C4orf17: variants seen among roughly 807,000 people sequenced by gnomAD.
The protein encoded by C4orf17 is uncharacterized protein C4orf17.
C4orf17 carries 25 observed loss-of-function variants against 32.0 expected under a neutral mutation model. The observed-to-expected ratio is 0.78, with a 90% confidence interval of 0.57 to 1.09. C4orf17 has a LOEUF of 1.09. C4orf17 is among the 50% of genes least tolerant of loss of function. C4orf17 has a pLI of 0.00. For synonymous variants in C4orf17, 149 were observed against 145.8 expected (o/e 1.02, Z -0.16); for missense variants, 420 against 420.0 (o/e 1.00, Z 0.00).
chr4:99,518,542 T>TAGAGAGAGAG (rs1474420492), intron 2 of C4orf17, among the ~76,000 whole-genome samples: 19 of 60,136 alleles, frequency 3.2e-4, no homozygotes, highest in Non-Finnish European at 5.1e-4. Context: ...TATATATATA[T>TAGAGAGAGAG]ATAGAGAGAG....
rs199930109 is a variant in C4orf17, at chr4:99,524,584, A to G, written c.401A>G (p.Lys134Arg). The change falls in exon 4 of 9, where the codon AAG becomes AGG. Residue 134 changes from lysine (K) to arginine (R), a missense_variant and splice_region_variant. Lys to Arg is a conservative substitution (Grantham distance 26, BLOSUM62 2). Coordinates refer to ENST00000326581, the MANE Select transcript of C4orf17 (RefSeq NM_032149.3). Reference sequence around the variant, plus strand: ...AGTGAGAATCCCTTAGTAATTAAAAAGGTAAGGAACAGCTATTTACTGCTA... The same window carrying G: ...AGTGAGAATCCCTTAGTAATTAAAAGGGTAAGGAACAGCTATTTACTGCTA... ...TSSENPLVIK[K>R]EEIKAKRPPS... The G allele has an allele frequency of 1.1e-4, 168 of 1,586,232 alleles. No individual in the cohort carries two copies. Among genetic ancestry groups the G allele is most frequent in the Non-Finnish European group, 1.4e-4 (164 of 1,157,490 alleles).
chr4:99,539,994 A>C (rs1407400784), intron 7 of C4orf17, among the ~76,000 whole-genome samples: 1 of 152,126 alleles, frequency 6.6e-6, no homozygotes, highest in African/African-American at 2.4e-5. Flanking sequence ...GATGTTATTT[A>C]AGCTAGGAGA....
chr4:99,519,851 A>T (rs1723255154), intron 2 of C4orf17, among the ~76,000 whole-genome samples: 2 of 152,168 alleles, frequency 1.3e-5, no homozygotes, highest in Admixed American at 6.5e-5. Context: ...GAGAGAGGAA[A>T]GTCCAGCTAA....
At chr4:99,529,678 A>AGAT in intron 4 of C4orf17, 137 bp from the exon 5 acceptor site, 1 of 585,336 alleles carries the variant, frequency 1.7e-6, no homozygotes. Flanking sequence ...TGATAGCTTA[A>AGAT]GATAAAACTA....
chr4:99,522,763 C>T lies in C4orf17; in HGVS notation c.337+54C>T, dbSNP rs1265091928. On this transcript the variant is annotated intron_variant, in intron 3 of 8. Transcript: ENST00000326581. ...TTCCTTATGCCTCCTGCAAACAAGG[C>T]TGTGGGGAGTCTATATGATGCTAAA... is the stretch of plus-strand genomic sequence containing the variant. 9.3e-5 allele frequency: 130 copies of T among 1,397,928 alleles called. 5 individuals are homozygous for T. Among genetic ancestry groups the T allele is most frequent in the South Asian group, 7.1e-4 (58 of 82,178 alleles). 86.6% of individuals were successfully genotyped at this position (1,397,928 alleles called of 1,614,324 possible).
Position 99,540,392 on chromosome 4 carries a change from T to C in C4orf17, c.837-20T>C, listed in dbSNP as rs1196154574. The stretch of plus-strand genomic sequence containing the variant: ...TTTGTATCTGTGAAATTCACTTTTT[T>C]CTTTCTCCAACTGATCTAGAGTGTC... On this transcript the variant is annotated intron_variant, in intron 7 of 8. Transcript: ENST00000326581. 1.2e-6 allele frequency: 2 copies of C among 1,600,576 alleles called. No homozygotes were observed. The highest frequency in any genetic ancestry group is 1.7e-6 in the Non-Finnish European group (2 of 1,170,414).
rs753653582 is a variant in C4orf17, at chr4:99,522,621, C to G, written c.249C>G (p.Tyr83Ter). Residue 83 changes from tyrosine (Y) to a stop codon, truncating the protein, a stop_gained, in exon 3 of 9, where the codon TAC (tyrosine) becomes TAG (stop). Coordinates refer to ENST00000326581, the MANE Select transcript of C4orf17 (RefSeq NM_032149.3). LOFTEE classifies it high-confidence loss of function. ...GGATACCATTTGCCAATTGCAGTTA[C>G]CCCTCCAGCACTGCAGTCCAGGAGA... ...KNRIPFANCS[Y>*]PSSTAVQESP... is the part of the protein sequence containing the mutation. 3.7e-6 allele frequency: 6 copies of G among 1,613,868 alleles called. No individual in the cohort carries two copies. Among genetic ancestry groups the G allele is most frequent in the Non-Finnish European group, 4.2e-6 (5 of 1,179,844 alleles).
At chr4:99,522,867 C>T (rs1017208017) in intron 3 of C4orf17, among the ~76,000 whole-genome samples, 158 bp downstream of exon 3, 3 of 152,062 alleles carry the variant, frequency 2.0e-5, no homozygotes, top group Non-Finnish European at 1.5e-5. Context: ...TTTCACTCTT[C>T]TAATCTCATC....
At chr4:99,540,551 A>G (rs1430645116) in intron 8 of C4orf17, 96 bp downstream of exon 8, 1 of 755,770 alleles carries the variant, frequency 1.3e-6, no homozygotes, top group Non-Finnish European at 2.3e-6. Flanking sequence ...GTGCTTTTAA[A>G]AAAACAGAAA....
chr4:99,529,574 A>T (rs1311098510), intron 4 of C4orf17, among the ~76,000 whole-genome samples: 1 of 152,206 alleles, frequency 6.6e-6, no homozygotes, highest in African/African-American at 2.4e-5. Context: ...CATATTACAA[A>T]TTTGTTATCT....
chr4:99,513,289 G>A lies in C4orf17; in HGVS notation c.127+81G>A, dbSNP rs1171207508. 1.6e-5 allele frequency: 25 copies of A among 1,527,368 alleles called. 1 individual carries two copies. The highest frequency in any genetic ancestry group is 1.5e-4 in the Admixed American group (9 of 58,726). The allele number at this position is 1,527,368 out of a possible 1,614,324, so 94.6% of individuals were successfully genotyped here. A position where few individuals can be genotyped will look rare whatever the true frequency, so the allele number is the denominator to read the frequency against. On this transcript the variant is annotated intron_variant, in intron 2 of 8. Transcript: ENST00000326581. ...GATAATTCTGGCAGGTAAACACAAC[G>A]CTGCTATTCAAAATATTTAACCACT...
In C4orf17 at chr4:99,539,341, C is replaced by A; in HGVS notation, c.807C>A (p.Thr269=). The A allele has an allele frequency of 6.2e-7, 1 of 1,614,016 alleles. No homozygotes were observed. Among genetic ancestry groups the A allele is most frequent in the Admixed American group, 1.7e-5 (1 of 60,018 alleles). Residue 269 remains threonine (T), a synonymous_variant, in exon 7 of 9, where the codon ACC becomes ACA. Transcript: ENST00000326581. ...TTACTGCAAAATCAAAAGTGCTGAC[C>A]AGAGATACAGAAGGGGATCAACCAA... ...PNFTAKSKVL[T]RDTEGDQPTR...
chr4:99,524,250 T>C (rs1251331166), intron 3 of C4orf17, among the ~76,000 whole-genome samples: 1 of 152,080 alleles, frequency 6.6e-6, no homozygotes, highest in African/African-American at 2.4e-5. Flanking sequence ...CTAAAATATA[T>C]ACTTTTTAAA....
chr4:99,519,037 G>A (rs2110166851), intron 2 of C4orf17, among the ~76,000 whole-genome samples: 1 of 152,222 alleles, frequency 6.6e-6, no homozygotes, highest in South Asian at 2.1e-4. Flanking sequence ...AAGTGCTTTT[G>A]GGAACAACAC....
chr4:99,529,848 C>T lies in C4orf17; in HGVS notation c.436C>T (p.Pro146Ser), dbSNP rs575779535. Reference sequence around the variant, plus strand: ...TAAGGCCAAAAGACCACCATCACCTCCAAAGGCATGCTCTACTCCTGGCTC... The same window carrying T: ...TAAGGCCAAAAGACCACCATCACCTTCAAAGGCATGCTCTACTCCTGGCTC... Reference protein sequence around the residue: ...EIKAKRPPSPPKACSTPGSCS... With the variant: ...EIKAKRPPSPSKACSTPGSCS... The change falls in exon 5 of 9, where the codon CCA becomes TCA. Residue 146 changes from proline to serine, a missense_variant. Transcript: ENST00000326581. The T allele has an allele frequency of 1.9e-6, 3 of 1,612,690 alleles. No homozygotes were observed. The highest frequency in any genetic ancestry group is 4.5e-5 in the East Asian group (2 of 44,790).
chr4:99,537,594 TG>T, intron 5 of C4orf17, 74 bp from the exon 6 acceptor site: 1 of 1,031,308 alleles, frequency 9.7e-7, no homozygotes, highest in Non-Finnish European at 1.5e-6. Context: ...GATGGGATTC[TG>T]GAGAAGGTAA....
intron 2 of C4orf17, 131 bp from the exon 3 acceptor site, chr4:99,522,369 A>G: frequency 2.9e-6 from 2 of 687,662 alleles, no homozygotes; most frequent in Middle Eastern, 3.8e-4. Flanking sequence ...GGTTTATACA[A>G]TTTGAAGTTC....
At chr4:99,524,148 T>G (rs548845570) in intron 3 of C4orf17, among the ~76,000 whole-genome samples, 1 of 151,858 alleles carries the variant, frequency 6.6e-6, no homozygotes, top group East Asian at 1.9e-4. Context: ...CCCGGCTAAT[T>G]TTTTTGTATT....
At chr4:99,535,862 T>C in intron 5 of C4orf17, 2 of 420,874 alleles carry the variant, frequency 4.8e-6, no homozygotes, top group Non-Finnish European at 9.3e-6. Context: ...TTTTTCATCT[T>C]TGTGGGCTTA....
Sources: allele counts gnomAD v4.1 joint callset (sites outside exome capture counted in the v4.1 genomes callset), GRCh38; gene constraint gnomAD v4.1.1; transcripts MANE v1.5; gene names NCBI Gene and HGNC (gene_info 2026-07-23, HGNC 2026-07-21).